The following TRPM3 variants were observed in gnomAD, a reference collection of about 807,000 sequenced individuals.
The protein encoded by TRPM3 is transient receptor potential cation channel subfamily M member 3.
A neutral mutation model predicts 181.2 loss-of-function variants in TRPM3; 77 were observed. The ratio of observed to expected loss-of-function variants is 0.42; its 90% CI spans 0.35 to 0.51. The LOEUF (loss-of-function observed/expected upper bound fraction) is 0.51. Ranked by LOEUF, TRPM3 falls within the 20% of genes least tolerant of loss-of-function variation. The pLI is 0.01. For missense variants in TRPM3, 1,759 were observed against 2,196.7 expected (o/e 0.80, Z 3.98); for synonymous variants, 745 against 796.4 (o/e 0.94, Z 1.09).
At chr9:71,189,256 A>G (rs973082207) in intron 1 of TRPM3, among the ~76,000 whole-genome samples, 2 of 151,906 alleles carry the variant, frequency 1.3e-5, no homozygotes, top group Non-Finnish European at 2.9e-5. Context: ...TTGGTTCACT[A>G]TGCTTTAGGA....
At chr9:70,653,108 T>A (rs1363710103) in intron 9 of TRPM3, among the ~76,000 whole-genome samples, 2 of 151,678 alleles carry the variant, frequency 1.3e-5, no homozygotes, top group African/African-American at 2.4e-5. Flanking sequence ...ATGGATGAGA[T>A]CCTAGAGAAT....
At chr9:71,057,296 TG>T in intron 1 of TRPM3, among the ~76,000 whole-genome samples, 1 of 152,212 alleles carries the variant, frequency 6.6e-6, no homozygotes, top group African/African-American at 2.4e-5. Context: ...TCTATTTTTT[TG>T]TAGCCCTAGC....
At chr9:71,239,490 G>A (rs762055569) in intron 1 of TRPM3, among the ~76,000 whole-genome samples, 15 of 151,978 alleles carry the variant, frequency 9.9e-5, no homozygotes, top group Non-Finnish European at 2.1e-4. Context: ...ACAATGATCC[G>A]AGTAGTTTTT....
At chr9:71,052,030 A>T (rs1428051489) in intron 1 of TRPM3, among the ~76,000 whole-genome samples, 1 of 152,130 alleles carries the variant, frequency 6.6e-6, no homozygotes, top group African/African-American at 2.4e-5. Context: ...TCTGCACTTC[A>T]TATTAGAGAA....
intron 1 of TRPM3, among the ~76,000 whole-genome samples, chr9:71,252,793 C>A: frequency 6.6e-6 from 1 of 151,318 alleles, no homozygotes; most frequent in Non-Finnish European, 1.5e-5. Flanking sequence ...CCTCCTCAGC[C>A]TCCCAAGTAG....
At chr9:70,805,243 G>GGGGAGACAGA (rs2090384102) in intron 6 of TRPM3, among the ~76,000 whole-genome samples, 1 of 151,016 alleles carries the variant, frequency 6.6e-6, no homozygotes, top group South Asian at 2.1e-4. Flanking sequence ...GTGGTGGTGG[G>GGGGAGACAGA]GGGAGACAGA....
chr9:71,013,845 T>C (rs1192691583), intron 1 of TRPM3, among the ~76,000 whole-genome samples: 2 of 152,104 alleles, frequency 1.3e-5, no homozygotes, highest in Admixed American at 6.5e-5. Flanking sequence ...GATAATCATT[T>C]GTCTAATTGA....
chr9:71,002,439 T>C (rs2097616402), intron 1 of TRPM3, among the ~76,000 whole-genome samples: 1 of 152,168 alleles, frequency 6.6e-6, no homozygotes, highest in Non-Finnish European at 1.5e-5. Flanking sequence ...TTACTGAGAG[T>C]TCTCAGAAGA....
chr9:71,293,856 A>T (rs1322767421), intron 1 of TRPM3, among the ~76,000 whole-genome samples: 1 of 152,016 alleles, frequency 6.6e-6, no homozygotes, highest in African/African-American at 2.4e-5. Context: ...ATGGAATGAG[A>T]GAGAACCAGA....
chr9:71,014,438 T>C (rs2097768856), intron 1 of TRPM3, among the ~76,000 whole-genome samples: 1 of 152,130 alleles, frequency 6.6e-6, no homozygotes, highest in Non-Finnish European at 1.5e-5. Context: ...TTATTTTTTA[T>C]CTGTTTGACT....
intron 22 of TRPM3, among the ~76,000 whole-genome samples, chr9:70,583,175 G>A (rs1386410252): frequency 6.6e-6 from 1 of 152,186 alleles, no homozygotes; most frequent in African/African-American, 2.4e-5. Flanking sequence ...AGTGTTTTCA[G>A]AAGGGGCAAC....
chr9:71,175,221 G>A (rs759729682), intron 1 of TRPM3, among the ~76,000 whole-genome samples: 1 of 152,176 alleles, frequency 6.6e-6, no homozygotes, highest in Non-Finnish European at 1.5e-5. Context: ...GGGAGCTTAT[G>A]GTTGCATGAA....
At chr9:71,425,835 G>A (rs1400582280) in intron 1 of TRPM3, among the ~76,000 whole-genome samples, 1 of 151,954 alleles carries the variant, frequency 6.6e-6, no homozygotes, top group East Asian at 1.9e-4. Flanking sequence ...AGCACTCTTT[G>A]CCTCCTTCTC....
chr9:70,568,126 A>G (rs1018974329), intron 22 of TRPM3, among the ~76,000 whole-genome samples: 1 of 152,246 alleles, frequency 6.6e-6, no homozygotes, highest in Non-Finnish European at 1.5e-5. Context: ...ATGCAATTCT[A>G]CTTAAGGTGT....
At chr9:70,885,463 A>C (rs2096069627) in intron 1 of TRPM3, among the ~76,000 whole-genome samples, 1 of 152,146 alleles carries the variant, frequency 6.6e-6, no homozygotes, top group South Asian at 2.1e-4. Flanking sequence ...CAGTGTCTGA[A>C]TGTTTTACCA....
rs1463363106 is a variant in TRPM3 at position 70,629,219 on chromosome 9, G to GGC, written c.1633-3703_1633-3702insGC. 8.0e-4 allele frequency among the ~76,000 whole-genome samples: 59 copies of GGC among 73,956 alleles called. 8 individuals are homozygous for GGC. Among genetic ancestry groups the GGC allele is most frequent in the Non-Finnish European group, 1.3e-3 (41 of 31,894 alleles). 48.5% of individuals were successfully genotyped at this position (73,956 alleles called of 152,430 possible). A position where few individuals can be genotyped will look rare whatever the true frequency, so the allele number is the denominator to read the frequency against. On this transcript the variant is annotated intron_variant, in intron 12 of 25. Coordinates refer to ENST00000677713, the MANE Select transcript of TRPM3 (RefSeq NM_001366145.2). ...AAATGATTCTGTGACCAGTGCCGGG[G>GGC]GGGGGGGGGGCCTGCGTTCTGTTTG...
chr9:70,864,536 A>AAAAAAG (rs1554753066), intron 1 of TRPM3, 25 bp from the exon 2 acceptor site: 2 of 1,455,846 alleles, frequency 1.4e-6, no homozygotes, highest in Non-Finnish European at 1.8e-6. Context: ...AAAAAAAAAA[A>AAAAAAG]AAAAAGAAAA....
Position 70,864,528 on chromosome 9 carries a change from A to AAAC in TRPM3, c.178-18_178-17insGTT. 2 of 1,423,370 alleles carry AAAC rather than the reference A, an allele frequency of 1.4e-6. No homozygotes were observed. Among genetic ancestry groups the AAAC allele is most frequent in the Non-Finnish European group, 9.3e-7 (1 of 1,081,076 alleles). The allele number at this position is 1,423,370 out of a possible 1,614,324, so 88.2% of individuals were successfully genotyped here. On this transcript the variant is annotated splice_polypyrimidine_tract_variant and intron_variant, in intron 1 of 25. Transcript: ENST00000677713. ...TTTCTGAGCCTGAAAAAGAAAACAA[A>AAAC]AAAAAAAAAAAAAGAAAAAAGAAAG...
At chr9:71,169,684 G>A (rs2076741163) in intron 1 of TRPM3, among the ~76,000 whole-genome samples, 1 of 151,980 alleles carries the variant, frequency 6.6e-6, no homozygotes, top group Non-Finnish European at 1.5e-5. Flanking sequence ...TCCAGGCACG[G>A]TGTCTCACGC....
Sources: allele counts gnomAD v4.1 joint callset (sites outside exome capture counted in the v4.1 genomes callset), GRCh38; gene constraint gnomAD v4.1.1; transcripts MANE v1.5; gene names NCBI Gene and HGNC (gene_info 2026-07-23, HGNC 2026-07-21).